ENGASE: variants seen among roughly 807,000 people sequenced by gnomAD.
ENGASE encodes the protein endo-beta-N-acetylglucosaminidase.
Under a neutral mutation model 78.5 loss-of-function variants are expected in ENGASE, and 69 were observed. The observed-to-expected ratio is 0.88, with a 90% CI of 0.72 to 1.07. The LOEUF is 1.07. ENGASE is among the 50% of genes least tolerant of loss of function. ENGASE has a pLI of 0.00. For synonymous variants in ENGASE, 408 were observed against 408.9 expected, an observed-to-expected ratio of 1.00 and a Z score of 0.03; for missense variants, 943 against 988.4, an observed-to-expected ratio of 0.95 and a Z score of 0.62.
intron 3 of ENGASE, among the ~76,000 whole-genome samples, chr17:79,078,516 C>T (rs1006061793): frequency 2.6e-5 from 4 of 152,180 alleles, no homozygotes; most frequent in Non-Finnish European, 4.4e-5. Context: ...CACCCCCTCA[C>T]GTGGTTTGGT....
At chr17:79,082,124 C>T (rs779214847) in intron 7 of ENGASE, 61 bp downstream of exon 7, 35 of 1,613,748 alleles carry the variant, frequency 2.2e-5, no homozygotes, top group East Asian at 1.3e-4. Flanking sequence ...ACCTCATTTC[C>T]TCATGGACCT....
At chr17:79,078,192 T>G (rs574862351) in intron 3 of ENGASE, among the ~76,000 whole-genome samples, 3 of 151,968 alleles carry the variant, frequency 2.0e-5, no homozygotes, top group Admixed American at 6.6e-5. Context: ...ATAGAAAAAT[T>G]AGCCAGGCAT....
chr17:79,080,395 C>T (rs762193090), intron 5 of ENGASE, 31 bp downstream of exon 5: 2 of 1,605,582 alleles, frequency 1.2e-6, no homozygotes, highest in Non-Finnish European at 1.7e-6. Flanking sequence ...CACCTCCCCG[C>T]CCCTTGCTGT....
chr17:79,083,994 A>G lies in ENGASE; in HGVS notation c.1442+43A>G, dbSNP rs754983657. 3.1e-5 allele frequency: 49 copies of G among 1,559,740 alleles called. No individual in the cohort carries two copies. The East Asian group carries it at 1.1e-3, about 35-fold the overall frequency. On this transcript the variant is annotated intron_variant, in intron 10 of 13. Transcript: ENST00000579016. The surrounding 1 kb of genome is among the most constrained non-coding windows in gnomAD (Gnocchi z 4.9). ...GACGGTGGGCCCACCAGCTTCTCCC[A>G]TCACACGTGGTGGCCATGGAACTGG... is the stretch of plus-strand genomic sequence containing the variant.
chr17:79,084,357 C>G, intron 10 of ENGASE, 181 bp from the exon 11 acceptor site: 1 of 618,444 alleles, frequency 1.6e-6, no homozygotes, highest in Non-Finnish European at 2.8e-6. Flanking sequence ...TTTCAGCCCA[C>G]AAAAGAATCT....
At chr17:79,075,705 A>C in intron 1 of ENGASE, 1 of 985,426 alleles carries the variant, frequency 1.0e-6, no homozygotes, top group Non-Finnish European at 1.2e-6. Context: ...AGAAGTTAGG[A>C]GCACAGACAT....
At chr17:79,085,000 TG>T (rs141380829) in intron 11 of ENGASE, among the ~76,000 whole-genome samples, 5 of 151,450 alleles carry the variant, frequency 3.3e-5, no homozygotes, top group Admixed American at 2.6e-4. Flanking sequence ...GCAAATGGGG[TG>T]GGGGAGACGG....
Position 79,085,297 on chromosome 17 carries a change from GGGTGGGCC to G in ENGASE, c.1657_1664del (p.Val553LeufsTer36). On this transcript the variant is annotated frameshift_variant, in exon 12 of 14. Coordinates refer to ENST00000579016, the MANE Select transcript of ENGASE (RefSeq NM_001042573.3). LOFTEE classifies it high-confidence loss of function. ...GTGCCCCCCACCAAGCTGGCCAGAT[GGGTGGGCC>G]GCTGCGGCCGGCAGCTGAGTGGGGG... 6.2e-7 allele frequency: 1 copy of G among 1,613,102 alleles called. No individual in the cohort carries two copies. Among genetic ancestry groups the G allele is most frequent in the Non-Finnish European group, 8.5e-7 (1 of 1,179,832 alleles).
rs2073304508 is a variant in ENGASE, at chr17:79,086,249, G to A, written c.2132G>A (p.Arg711His). The change falls in exon 14 of 14, where the codon CGT becomes CAT. Residue 711 changes from arginine to histidine, a missense_variant. Transcript: ENST00000579016. ...GAAGCCGCCGGGCCCGGCCAGGATC[G>A]TCGCATGGAATTTCTGGTGGAGCCT... is the stretch of plus-strand genomic sequence containing the variant. ...LVEAAGPGQD[R>H]RMEFLVEPVP... 3.1e-6 allele frequency: 5 copies of A among 1,613,448 alleles called. No individual in the cohort carries two copies. Among genetic ancestry groups the A allele is most frequent in the African/African-American group, 1.3e-5 (1 of 74,946 alleles).
rs780351614 is a variant in ENGASE, at chr17:79,080,276, C to G, written c.635C>G (p.Ser212Trp). Residue 212 changes from serine (S) to tryptophan (W), a missense_variant, in exon 5 of 14, where the codon TCG becomes TGG. By Grantham distance (177) the Ser-to-Trp change is radical. Coordinates refer to ENST00000579016, the MANE Select transcript of ENGASE (RefSeq NM_001042573.3). Reference sequence around the variant, plus strand: ...GCCTTCCTGGCCGGGGATGAGCGCTCGTACCAGGCAGTGGCTGACCGGCTG... The same window carrying G: ...GCCTTCCTGGCCGGGGATGAGCGCTGGTACCAGGCAGTGGCTGACCGGCTG... ...CEAFLAGDERSYQAVADRLVQ... is the reference protein window; with the variant it reads ...CEAFLAGDERWYQAVADRLVQ... The G allele has an allele frequency of 6.2e-7, 1 of 1,613,954 alleles. No homozygotes were observed.
In ENGASE at chr17:79,077,268, CA is replaced by C. The variant is rs2072990843; in HGVS notation, c.147-161del. On this transcript the variant is annotated intron_variant, in intron 1 of 13. Coordinates refer to ENST00000579016, the MANE Select transcript of ENGASE (RefSeq NM_001042573.3). ...TATAGGTAAAACCTTAGGATTATCA[CA>C]GGGCACTTCCTTGCTTTATACAATG... 2.0e-5 allele frequency among the ~76,000 whole-genome samples: 3 copies of C among 152,350 alleles called. No individual in the cohort carries two copies. The South Asian group carries it at 6.2e-4, about 32-fold the overall frequency.
In ENGASE at chr17:79,083,886, G is replaced by A; in HGVS notation, c.1377G>A (p.Trp459Ter). ...VRTHCCLEDA[W>*]HGGSSLLVRG... Reference sequence around the variant, plus strand: ...CGCACTGCTGCCTGGAGGATGCCTGGCACGGAGGCAGCTCCCTGCTCGTCC... The same window carrying A: ...CGCACTGCTGCCTGGAGGATGCCTGACACGGAGGCAGCTCCCTGCTCGTCC... Residue 459 changes from tryptophan (W) to a stop codon, truncating the protein, a stop_gained, in exon 10 of 14, where the codon TGG becomes TGA. Transcript: ENST00000579016. LOFTEE classifies it high-confidence loss of function. The surrounding 1 kb of genome is among the most constrained non-coding windows in gnomAD (Gnocchi z 4.9). The A allele has an allele frequency of 6.2e-7, 1 of 1,612,384 alleles. No homozygotes were observed. The highest frequency in any genetic ancestry group is 8.5e-7 in the Non-Finnish European group (1 of 1,179,878).
chr17:79,077,834 A>G lies in ENGASE; in HGVS notation c.386A>G (p.His129Arg). 6.3e-7 allele frequency: 1 copy of G among 1,586,830 alleles called. No homozygotes were observed. Among genetic ancestry groups the G allele is most frequent in the Non-Finnish European group, 8.6e-7 (1 of 1,162,926 alleles). The change falls in exon 3 of 14, where the codon CAT becomes CGT. Residue 129 changes from histidine (H) to arginine (R), a missense_variant. Transcript: ENST00000579016. The part of the protein sequence containing the change: ...SSQRPRTLLC[H>R]DMMGGYLDDR... ...CAGAGGCCCCGGACTTTGTTGTGTC[A>G]TGACATGATGGGCGGGTACCTGGAT...
At position 79,081,046 on chromosome 17, in the gene ENGASE, G is replaced by A. The variant is rs1055260098; in HGVS notation, c.845G>A (p.Trp282Ter). Reference sequence around the variant, plus strand: ...GTGGTGCAAAGTGGGCAGCTCAAATGGCAAGACGAACTCAACCAGCACAAC... The same window carrying A: ...GTGGTGCAAAGTGGGCAGCTCAAATAGCAAGACGAACTCAACCAGCACAAC... ...DSVVQSGQLK[W>*]QDELNQHNRV... Residue 282 changes from tryptophan to a stop codon, truncating the protein, a stop_gained, in exon 6 of 14, where the codon TGG becomes TAG. Transcript: ENST00000579016. LOFTEE classifies it high-confidence loss of function. 9.9e-6 allele frequency: 16 copies of A among 1,611,216 alleles called. No individual in the cohort carries two copies. The highest frequency in any genetic ancestry group is 1.3e-5 in the Non-Finnish European group (15 of 1,179,598).
chr17:79,081,858 CT>C lies in ENGASE; in HGVS notation c.873-39del, dbSNP rs747110192. On this transcript the variant is annotated intron_variant, in intron 6 of 13. Coordinates refer to ENST00000579016, the MANE Select transcript of ENGASE (RefSeq NM_001042573.3). ...GGTTGGTGGGGGTGGCCCCATCCTT[CT>C]GGGCCTGGGCCTCACAGCAGGTCCT... 1.0e-5 allele frequency: 16 copies of C among 1,578,894 alleles called. No individual in the cohort carries two copies. In the East Asian group the frequency reaches 3.4e-4, roughly 33 times the overall value.
chr17:79,078,594 G>C (rs1329162053), intron 3 of ENGASE, among the ~76,000 whole-genome samples: 1 of 152,194 alleles, frequency 6.6e-6, no homozygotes, highest in African/African-American at 2.4e-5. Context: ...TTCATGCACA[G>C]AGATGTTACA....
intron 7 of ENGASE, chr17:79,082,296 G>T: frequency 2.1e-6 from 3 of 1,459,400 alleles, no homozygotes; most frequent in Non-Finnish European, 2.7e-6. Context: ...TTTTGTGTGG[G>T]TGTTACCAGA....
Position 79,087,098 on chromosome 17 carries a change from C to G in ENGASE, c.*749C>G, listed in dbSNP as rs57241083. On this transcript the variant is annotated 3_prime_UTR_variant, in exon 14 of 14. Coordinates refer to ENST00000579016, the MANE Select transcript of ENGASE (RefSeq NM_001042573.3). ...GCTGTGGGCATGCAGGGAAGTGGCT[C>G]TGAGGCAGTCTGCGCTGTGGCCCTG... 120,055 of 457,076 alleles carry G rather than the reference C, an allele frequency of 0.26. 16,373 individuals carry two copies. The highest frequency in any genetic ancestry group is 0.33 in the East Asian group (4,821 of 14,446). 28.3% of individuals were successfully genotyped at this position (457,076 alleles called of 1,614,324 possible). A position where few individuals can be genotyped will look rare whatever the true frequency, so the allele number is the denominator to read the frequency against.
At chr17:79,084,393 G>C (rs1410626436) in intron 10 of ENGASE, 145 bp from the exon 11 acceptor site, 3 of 761,554 alleles carry the variant, frequency 3.9e-6, no homozygotes, top group Non-Finnish European at 6.2e-6. Flanking sequence ...CTTGTCCCCT[G>C]GCTACGGACA....
Sources: allele counts gnomAD v4.1 joint callset (sites outside exome capture counted in the v4.1 genomes callset), GRCh38; gene constraint gnomAD v4.1.1; non-coding constraint Gnocchi (gnomAD v3.1); transcripts MANE v1.5; gene names NCBI Gene and HGNC (gene_info 2026-07-23, HGNC 2026-07-21).